LARGE1: variants seen among roughly 807,000 people sequenced by gnomAD.
The protein encoded by LARGE1 is xylosyl- and glucuronyltransferase LARGE1.
LARGE1 carries 43 observed loss-of-function variants against 87.6 expected under a neutral mutation model. The ratio of observed to expected loss-of-function variants is 0.49; its 90% confidence interval spans 0.38 to 0.63. The LOEUF (loss-of-function observed/expected upper bound fraction) is 0.63. LARGE1 is among the 30% of genes least tolerant of loss of function. The pLI, the probability that LARGE1 is intolerant of heterozygous loss-of-function variation, is 0.00. For synonymous variants in LARGE1, 434 were observed against 394.6 expected (o/e 1.10, Z -1.18); for missense variants, 802 against 1,000.2 (o/e 0.80, Z 2.67).
intron 1 of LARGE1, among the ~76,000 whole-genome samples, chr22:33,766,375 G>A (rs2084900974): frequency 6.6e-6 from 1 of 152,228 alleles, no homozygotes; most frequent in South Asian, 2.1e-4. Context: ...CTTAACCAAT[G>A]AAATTTACAT....
At chr22:33,591,711 T>C (rs886746182) in intron 5 of LARGE1, among the ~76,000 whole-genome samples, 11 of 151,746 alleles carry the variant, frequency 7.2e-5, no homozygotes, top group African/African-American at 2.7e-4. Context: ...TTATGTCTTA[T>C]TTAAGAAATC....
intron 6 of LARGE1, among the ~76,000 whole-genome samples, chr22:33,533,443 CTT>C (rs1011411170): frequency 6.6e-6 from 1 of 152,120 alleles, no homozygotes; most frequent in African/African-American, 2.4e-5. Flanking sequence ...CCCTTGGAAA[CTT>C]TGCGGCAGGC....
intron 11 of LARGE1, among the ~76,000 whole-genome samples, chr22:33,264,796 G>A (rs908217995): frequency 9.3e-5 from 14 of 151,298 alleles, no homozygotes; most frequent in Admixed American, 2.6e-4. Flanking sequence ...ATCACTGGGC[G>A]CTGTCATCTT....
intron 5 of LARGE1, among the ~76,000 whole-genome samples, chr22:33,575,870 C>T (rs1185545625): frequency 1.3e-5 from 2 of 152,226 alleles, no homozygotes; most frequent in African/African-American, 2.4e-5. Flanking sequence ...CAGCAAGAAG[C>T]ATCCTCTATT....
chr22:33,887,525 T>A (rs1212677761), intron 1 of LARGE1, among the ~76,000 whole-genome samples: 1 of 152,052 alleles, frequency 6.6e-6, no homozygotes, highest in Non-Finnish European at 1.5e-5. Flanking sequence ...TAACCTGAGG[T>A]CAGGAGTTCG....
At position 33,645,392 on chromosome 22, in the gene LARGE1, G is replaced by A. The variant is rs1036679502; in HGVS notation, c.408+4975C>T. The stretch of plus-strand genomic sequence containing the variant: ...TGCTGGAAAAACTGGCTAGCCATAT[G>A]CAGAAAACTGAAACTGGACCCCTTC... On this transcript the variant is annotated intron_variant, in intron 3 of 14. Coordinates refer to ENST00000397394, the MANE Select transcript of LARGE1 (RefSeq NM_133642.5). Among the ~76,000 whole-genome samples, 12 of 152,324 alleles carry A rather than the reference G, an allele frequency of 7.9e-5. No homozygotes were observed. The East Asian group carries it at 2.3e-3, about 29-fold the overall frequency.
the LARGE1 span, among the ~76,000 whole-genome samples, chr22:33,111,955 G>T: frequency 6.6e-6 from 1 of 152,186 alleles, no homozygotes; most frequent in African/African-American, 2.4e-5. Flanking sequence ...GACAAATAAA[G>T]TCCAATATAG....
chr22:33,402,863 G>A (rs1205071828), intron 7 of LARGE1, among the ~76,000 whole-genome samples: 2 of 152,216 alleles, frequency 1.3e-5, no homozygotes, highest in Non-Finnish European at 2.9e-5. Context: ...AGCTTACTAG[G>A]ACCCAGGCAC....
the LARGE1 span, among the ~76,000 whole-genome samples, chr22:33,132,526 A>AGGGCTGGGCGCGGTGGCTCACGCCT: frequency 6.8e-6 from 1 of 146,910 alleles, no homozygotes; most frequent in African/African-American, 2.5e-5. Context: ...AGTCATTATT[A>AGGGCTGGGCGCGGTGGCTCACGCCT]GTATTTTTGT....
chr22:33,653,324 T>A (rs1030993907), intron 2 of LARGE1, among the ~76,000 whole-genome samples: 1 of 152,216 alleles, frequency 6.6e-6, no homozygotes, highest in Non-Finnish European at 1.5e-5. Context: ...ATGTTGCAGT[T>A]TGACTGTAAA....
At chr22:33,650,256 T>C in intron 3 of LARGE1, 111 bp downstream of exon 3, 4 of 1,367,284 alleles carry the variant, frequency 2.9e-6, no homozygotes, top group Non-Finnish European at 4.1e-6. Context: ...CGGGCTAGAA[T>C]CAAGAATGCC....
chr22:33,413,113 T>C (rs2066367264), intron 7 of LARGE1, among the ~76,000 whole-genome samples: 1 of 152,082 alleles, frequency 6.6e-6, no homozygotes, highest in South Asian at 2.1e-4. Context: ...TGAATATGAG[T>C]TGTCAAAATT....
chr22:33,537,823 G>A (rs563245057), intron 6 of LARGE1, among the ~76,000 whole-genome samples: 6 of 152,126 alleles, frequency 3.9e-5, no homozygotes, highest in African/African-American at 9.6e-5. Context: ...CACCCGCCTC[G>A]GCCTCCCAAA....
At chr22:33,695,860 T>C (rs1317727919) in intron 2 of LARGE1, among the ~76,000 whole-genome samples, 3 of 152,134 alleles carry the variant, frequency 2.0e-5, no homozygotes, top group Non-Finnish European at 4.4e-5. Flanking sequence ...GATGAGGAAG[T>C]TCCCTCAAGC....
intron 1 of LARGE1, among the ~76,000 whole-genome samples, chr22:33,765,707 C>CAAAAAAAAAA (rs33943950): frequency 5.7e-5 from 4 of 69,892 alleles, no homozygotes; most frequent in Non-Finnish European, 1.0e-4. Context: ...CTCCATCTCA[C>CAAAAAAAAAA]AAAAAAAAAA....
chr22:33,606,564 C>G (rs1412534738), intron 4 of LARGE1, among the ~76,000 whole-genome samples: 6 of 151,980 alleles, frequency 3.9e-5, no homozygotes, highest in Non-Finnish European at 7.4e-5. Flanking sequence ...ACATACAGAC[C>G]ATCTCTCAGT....
rs1246700924 is a variant in LARGE1 at position 33,304,494 on chromosome 22, C to G, written c.1465G>C (p.Glu489Gln). The stretch of plus-strand genomic sequence containing the variant: ...CCCTCCCAGTGCTTGCAGATGGCCT[C>G]CAGCATCTGGAGCCTGGAAGAGACA... Reference protein sequence around the residue: ...QLSMDRLQMLEAICKHWEGPI... With the variant: ...QLSMDRLQMLQAICKHWEGPI... Residue 489 changes from glutamate (E) to glutamine (Q), a missense_variant, in exon 12 of 15, where the codon GAG becomes CAG. Glu to Gln is a conservative substitution (Grantham distance 29). Around this residue, in one of 2 missense-constraint regions of LARGE1, gnomAD observed 625 missense variants for 841.9 expected, o/e 0.74. Transcript: ENST00000397394. 6.2e-7 allele frequency: 1 copy of G among 1,601,212 alleles called. No homozygotes were observed. Among genetic ancestry groups the G allele is most frequent in the Non-Finnish European group, 8.5e-7 (1 of 1,173,616 alleles).
intron 1 of LARGE1, among the ~76,000 whole-genome samples, chr22:33,785,365 G>T (rs954814576): frequency 6.6e-6 from 1 of 151,932 alleles, no homozygotes; most frequent in Non-Finnish European, 1.5e-5. Flanking sequence ...GAAGTATTCA[G>T]ATGTTACACA....
intron 1 of LARGE1, among the ~76,000 whole-genome samples, chr22:33,888,642 G>A (rs1278040106): frequency 1.3e-5 from 2 of 152,152 alleles, no homozygotes; most frequent in South Asian, 2.1e-4. Flanking sequence ...GATCACCTGA[G>A]ATCAGGACTT....
Sources: allele counts gnomAD v4.1 joint callset (sites outside exome capture counted in the v4.1 genomes callset), GRCh38; gene constraint gnomAD v4.1.1; regional missense constraint gnomAD v4.1.1; transcripts MANE v1.5; gene names NCBI Gene and HGNC (gene_info 2026-07-23, HGNC 2026-07-21).